WDR43: variants seen among roughly 807,000 people sequenced by gnomAD.
WDR43 encodes WD repeat domain 43, also known as WD repeat-containing protein 43.
In WDR43, 13 loss-of-function variants were observed where a neutral mutation model predicts 91.4. That is an observed-to-expected ratio of 0.14 (90% confidence interval 0.09 to 0.23). The LOEUF is 0.23. Among genes scored for constraint, WDR43 ranks in the 10% least tolerant of loss-of-function variants. The probability of loss-of-function intolerance (pLI) is 1.00; values close to 1 mark genes in which losing one functional copy is unlikely to be tolerated. For missense variants in WDR43, 780 were observed against 809.4 expected, an observed-to-expected ratio of 0.96 and a Z score of 0.44; for synonymous variants, 331 against 287.9, an observed-to-expected ratio of 1.15 and a Z score of -1.51.
Position 28,907,256 on chromosome 2 carries a change from C to T in WDR43, c.485+675C>T, listed in dbSNP as rs546130371. 2.0e-5 allele frequency among the ~76,000 whole-genome samples: 3 copies of T among 152,136 alleles called. No individual in the cohort carries two copies. In the South Asian group the frequency reaches 6.2e-4, roughly 32 times the overall value. On this transcript the variant is annotated intron_variant, in intron 3 of 17. Coordinates refer to ENST00000407426, the MANE Select transcript of WDR43 (RefSeq NM_015131.3). ...ATGATGCCCATGGTCCTGCAGCTGC[C>T]AGAGAAGGGATTCTAATGCTGCTCT...
intron 12 of WDR43, 136 bp downstream of exon 12, chr2:28,935,743 TAGACAA>T (rs1558382489): frequency 3.9e-6 from 1 of 258,530 alleles, no homozygotes; most frequent in South Asian, 2.5e-4. Flanking sequence ...GAAAGTACTT[TAGACAA>T]AAAAAAAAAA....
chr2:28,945,772 G>A (rs181748889), intron 16 of WDR43, among the ~76,000 whole-genome samples: 4 of 152,152 alleles, frequency 2.6e-5, no homozygotes, highest in East Asian at 1.9e-4. Flanking sequence ...TTGTTTTAAC[G>A]TTTGCATGTT....
intron 10 of WDR43, chr2:28,927,955 CAT>C: frequency 2.7e-6 from 1 of 374,128 alleles, no homozygotes; most frequent in South Asian, 3.7e-5. Flanking sequence ...AGCTGGGTAA[CAT>C]AAAATGGAAT....
At chr2:28,895,338 T>G (rs1444255965) in intron 1 of WDR43, 2 of 163,938 alleles carry the variant, frequency 1.2e-5, no homozygotes, top group Non-Finnish European at 2.6e-5. Context: ...CTCATCAGTT[T>G]TGCACTGGGC....
At chr2:28,937,676 A>AGG (rs1385355090) in intron 13 of WDR43, among the ~76,000 whole-genome samples, 15 of 152,242 alleles carry the variant, frequency 9.9e-5, no homozygotes, top group African/African-American at 3.4e-4. Context: ...TTTGCTCTTG[A>AGG]ACTGTTTTAG....
chr2:28,901,988 A>G lies in WDR43; in HGVS notation c.227A>G (p.Glu76Gly), dbSNP rs763574857. 80 of 1,583,834 alleles carry G rather than the reference A, an allele frequency of 5.1e-5. No individual in the cohort carries two copies. Among genetic ancestry groups the G allele is most frequent in the Non-Finnish European group, 6.4e-5 (75 of 1,172,360 alleles). Residue 76 changes from glutamate to glycine, a missense_variant and splice_region_variant, in exon 2 of 18, where the codon GAA becomes GGA. Physicochemically the swap from Glu to Gly is moderately conservative, Grantham distance 98. Around this residue, in one of 4 missense-constraint regions of WDR43, gnomAD observed 175 missense variants for 113.8 expected, o/e 1.54. Coordinates refer to ENST00000407426, the MANE Select transcript of WDR43 (RefSeq NM_015131.3). ...AACATTGTTTTTCTTTTTTTCCAGG[A>G]AAGTCCCCAGAGGAAAAAAAGGAAA... is the stretch of plus-strand genomic sequence containing the variant. Reference protein sequence around the residue: ...AWAPARLQAKESPQRKKRKSE... With the variant: ...AWAPARLQAKGSPQRKKRKSE...
chr2:28,907,348 T>G (rs1572582418), intron 3 of WDR43, among the ~76,000 whole-genome samples: 1 of 150,596 alleles, frequency 6.6e-6, no homozygotes, highest in East Asian at 2.0e-4. Flanking sequence ...ATTGGCCAAG[T>G]GCAGTGGCTC....
At position 28,946,876 on chromosome 2, in the gene WDR43, C is replaced by T. The variant is rs907341049; in HGVS notation, c.*97C>T. The T allele has an allele frequency of 1.4e-6, 2 of 1,387,236 alleles. No homozygotes were observed. The highest frequency in any genetic ancestry group is 2.9e-5 in the African/African-American group (2 of 68,760). The allele number at this position is 1,387,236 out of a possible 1,614,324, so 85.9% of individuals were successfully genotyped here. On this transcript the variant is annotated 3_prime_UTR_variant, in exon 18 of 18. Coordinates refer to ENST00000407426, the MANE Select transcript of WDR43 (RefSeq NM_015131.3). The stretch of plus-strand genomic sequence containing the variant: ...TGCCAGGATGCCAAGGACCGCTGCA[C>T]ATTTCCAAATTCACAGCAGTGGATC...
intron 16 of WDR43, among the ~76,000 whole-genome samples, chr2:28,943,798 T>A (rs1427670540): frequency 6.6e-6 from 1 of 152,206 alleles, no homozygotes; most frequent in African/African-American, 2.4e-5. Context: ...CATTCCATAT[T>A]GTGAGAAATG....
Position 28,927,667 on chromosome 2 carries a change from A to G in WDR43, c.1272A>G (p.Gln424=). Residue 424 remains glutamine, a synonymous_variant, in exon 10 of 18, where the codon CAA becomes CAG. Transcript: ENST00000407426. ...AIKPAPPQTE[Q]VESKRKSGGN... ...AGCCCGCTCCTCCACAAACCGAGCA[A>G]GTAGAGAGCAAGAGGAAGTCAGGGG... 2.5e-6 allele frequency: 4 copies of G among 1,613,976 alleles called. No individual in the cohort carries two copies. The highest frequency in any genetic ancestry group is 3.4e-6 in the Non-Finnish European group (4 of 1,179,854).
At chr2:28,923,294 T>C (rs1671071062) in intron 7 of WDR43, among the ~76,000 whole-genome samples, 1 of 152,212 alleles carries the variant, frequency 6.6e-6, no homozygotes, top group Non-Finnish European at 1.5e-5. Flanking sequence ...GTTTTATTTA[T>C]CTTTGAGCGT....
chr2:28,907,903 CAAAA>C (rs71403627), intron 3 of WDR43, among the ~76,000 whole-genome samples: 10 of 146,444 alleles, frequency 6.8e-5, no homozygotes, highest in Admixed American at 1.4e-4. Context: ...GACTCCGTCT[CAAAA>C]AAAAAAAGCC....
intron 4 of WDR43, among the ~76,000 whole-genome samples, chr2:28,913,229 C>T (rs1463049919): frequency 2.0e-5 from 3 of 152,192 alleles, no homozygotes; most frequent in Non-Finnish European, 2.9e-5. Context: ...GTTGGGATTA[C>T]AGGCGTGAGC....
chr2:28,931,876 T>C (rs1402146428), intron 11 of WDR43, among the ~76,000 whole-genome samples: 13 of 46,698 alleles, frequency 2.8e-4, no homozygotes, highest in African/African-American at 6.9e-4. Context: ...CCCCCGCCCT[T>C]TTTTTTTTTT....
intron 11 of WDR43, among the ~76,000 whole-genome samples, chr2:28,933,706 A>G (rs1005556633): frequency 6.6e-6 from 1 of 152,210 alleles, no homozygotes; most frequent in Non-Finnish European, 1.5e-5. Flanking sequence ...TAGAATTCAA[A>G]TGGCCAGTAA....
chr2:28,906,472 G>A lies in WDR43; in HGVS notation c.376G>A (p.Asp126Asn). The change falls in exon 3 of 18, where the codon GAC (aspartate) becomes AAC (asparagine). Residue 126 changes from aspartate to asparagine, a missense_variant. By Grantham distance (23) the Asp-to-Asn change is conservative. Transcript: ENST00000407426. ...LHSKLISGGH[D>N]NRVNCIQWHQ... ...TTTTAATCTACAGAGTGGTGGACAT[G>A]ACAACAGAGTCAACTGCATACAGTG... The A allele has an allele frequency of 6.4e-7, 1 of 1,564,050 alleles. No individual in the cohort carries two copies. The highest frequency in any genetic ancestry group is 1.2e-5 in the South Asian group (1 of 84,988).
intron 16 of WDR43, among the ~76,000 whole-genome samples, chr2:28,943,914 T>C (rs948081463): frequency 2.0e-5 from 3 of 152,186 alleles, no homozygotes; most frequent in African/African-American, 7.2e-5. Flanking sequence ...AGAGCAACTT[T>C]GTAATCTCAA....
At chr2:28,920,848 TG>T (rs1348877269) in intron 6 of WDR43, among the ~76,000 whole-genome samples, 1 of 151,812 alleles carries the variant, frequency 6.6e-6, no homozygotes, top group Non-Finnish European at 1.5e-5. Context: ...GGCTAATTTT[TG>T]TATTTTTAGC....
intron 14 of WDR43, among the ~76,000 whole-genome samples, chr2:28,939,015 G>GA (rs1240089231): frequency 6.8e-6 from 1 of 146,920 alleles, no homozygotes; most frequent in African/African-American, 2.5e-5. Flanking sequence ...ACACTGGTGA[G>GA]GGGGGTTTTG....
Sources: gnomAD v4.1 joint callset for allele counts (sites outside exome capture counted in the v4.1 genomes callset) on GRCh38, gnomAD v4.1.1 for gene constraint, gnomAD v4.1.1 regional missense constraint, MANE v1.5 for transcripts, NCBI Gene and HGNC (gene_info 2026-07-23, HGNC 2026-07-21) for gene names.